Variants in LOC128125817 observed in about 807,000 individuals in gnomAD.
At chr1:41,623,174 AG>A in the LOC128125817 span, among the ~76,000 whole-genome samples, 1 of 152,206 alleles carries the variant, frequency 6.6e-6, no homozygotes, top group East Asian at 1.9e-4. Context: ...AATCCTCTAA[AG>A]GAGAAAATCT....
At chr1:41,622,316 G>A in the LOC128125817 span, among the ~76,000 whole-genome samples, 10 of 152,168 alleles carry the variant, frequency 6.6e-5, no homozygotes, top group African/African-American at 2.2e-4. Flanking sequence ...TCAGGGGGCA[G>A]GGAAGGAAAA....
chr1:41,601,054 A>G, the LOC128125817 span, among the ~76,000 whole-genome samples: 1 of 152,192 alleles, frequency 6.6e-6, no homozygotes, highest in East Asian at 1.9e-4. Context: ...CGTGTTGAAG[A>G]TCAGTCAGCA....
the LOC128125817 span, among the ~76,000 whole-genome samples, chr1:41,586,035 C>A: frequency 2.6e-5 from 4 of 152,240 alleles, no homozygotes; most frequent in Non-Finnish European, 5.9e-5. Flanking sequence ...AACTTACAAT[C>A]TGACACAGCT....
At chr1:41,613,536 T>C in the LOC128125817 span, among the ~76,000 whole-genome samples, 2 of 152,238 alleles carry the variant, frequency 1.3e-5, no homozygotes, top group Non-Finnish European at 2.9e-5. Context: ...GTTAAAATTG[T>C]GGAAAGCTTC....
the LOC128125817 span, among the ~76,000 whole-genome samples, chr1:41,587,059 G>A: frequency 3.9e-5 from 6 of 152,212 alleles, no homozygotes; most frequent in African/African-American, 1.2e-4. Flanking sequence ...AAGGAGAAAA[G>A]GGAGATTTGG....
At chr1:41,608,667 C>T in the LOC128125817 span, among the ~76,000 whole-genome samples, 1 of 152,234 alleles carries the variant, frequency 6.6e-6, no homozygotes, top group Non-Finnish European at 1.5e-5. Flanking sequence ...TCTGATTGCT[C>T]TGTCTGTGCA....
chr1:41,620,519 C>CA, the LOC128125817 span, among the ~76,000 whole-genome samples: 4 of 152,162 alleles, frequency 2.6e-5, no homozygotes, highest in Non-Finnish European at 5.9e-5. Context: ...TGCCTGTACT[C>CA]AGTCCTCAAG....
At chr1:41,613,034 C>G in the LOC128125817 span, among the ~76,000 whole-genome samples, 1 of 152,238 alleles carries the variant, frequency 6.6e-6, no homozygotes, top group Non-Finnish European at 1.5e-5. Context: ...TCCAAGGGAC[C>G]TGGACAGGGC....
chr1:41,594,716 T>G, the LOC128125817 span, among the ~76,000 whole-genome samples: 1 of 152,246 alleles, frequency 6.6e-6, no homozygotes, highest in Non-Finnish European at 1.5e-5. Context: ...GTACAGAATT[T>G]TTTTTTGTTT....
chr1:41,602,123 T>G, the LOC128125817 span, among the ~76,000 whole-genome samples: 4 of 152,228 alleles, frequency 2.6e-5, no homozygotes, highest in Admixed American at 2.0e-4. Context: ...ATCCCTTTAA[T>G]GCACTATTTG....
the LOC128125817 span, among the ~76,000 whole-genome samples, chr1:41,617,116 A>G: frequency 6.6e-6 from 1 of 152,196 alleles, no homozygotes; most frequent in Non-Finnish European, 1.5e-5. Flanking sequence ...CAATCTTGTT[A>G]CAGCTGAATG....
At chr1:41,625,205 A>G in the LOC128125817 span, among the ~76,000 whole-genome samples, 1 of 140,332 alleles carries the variant, frequency 7.1e-6, no homozygotes, top group Admixed American at 6.9e-5. Flanking sequence ...ATTCCTTAAT[A>G]CTTTGCAGTC....
At chr1:41,587,164 G>A in the LOC128125817 span, among the ~76,000 whole-genome samples, 2 of 152,162 alleles carry the variant, frequency 1.3e-5, no homozygotes, top group African/African-American at 4.8e-5. Flanking sequence ...AGTGAATGAT[G>A]CAGGAGATCA....
the LOC128125817 span, among the ~76,000 whole-genome samples, chr1:41,605,365 ACGCACACGCG>A: frequency 8.0e-6 from 1 of 124,390 alleles, no homozygotes; most frequent in African/African-American, 3.3e-5. Context: ...ACATACACAC[ACGCACACGCG>A]CACACACACA....
the LOC128125817 span, among the ~76,000 whole-genome samples, chr1:41,588,483 C>G: frequency 6.6e-6 from 1 of 152,102 alleles, no homozygotes; most frequent in Admixed American, 6.5e-5. Flanking sequence ...GGTGGTGGAG[C>G]GCCCAGCAGC....
chr1:41,616,953 C>T, the LOC128125817 span, among the ~76,000 whole-genome samples: 1 of 152,174 alleles, frequency 6.6e-6, no homozygotes, highest in African/African-American at 2.4e-5. Flanking sequence ...GCAATCCCTA[C>T]TTTACCAAAG....
the LOC128125817 span, among the ~76,000 whole-genome samples, chr1:41,619,649 G>A: frequency 6.6e-6 from 1 of 152,166 alleles, no homozygotes; most frequent in African/African-American, 2.4e-5. Context: ...GACTGGTATG[G>A]GTGTTAGGAG....
At chr1:41,612,688 T>G in the LOC128125817 span, among the ~76,000 whole-genome samples, 1 of 152,176 alleles carries the variant, frequency 6.6e-6, no homozygotes, top group South Asian at 2.1e-4. Flanking sequence ...GAGCTATCCT[T>G]TGCTTGGACA....
chr1:41,609,044 A>G, the LOC128125817 span, among the ~76,000 whole-genome samples: 1 of 151,450 alleles, frequency 6.6e-6, no homozygotes, highest in Non-Finnish European at 1.5e-5. Context: ...GGGCAACAAG[A>G]GTGAAACTCC....
Sources: gnomAD v4.1 joint callset for allele counts (sites outside exome capture counted in the v4.1 genomes callset) on GRCh38, gnomAD v4.1.1 for gene constraint, MANE v1.5 for transcripts.